The following TMEM178B variants were observed in gnomAD, a reference collection of about 807,000 sequenced individuals.
The protein encoded by TMEM178B is transmembrane protein 178B.
In TMEM178B, 5 loss-of-function variants were observed where a neutral mutation model predicts 31.0. That is an observed-to-expected ratio of 0.16 (90% CI 0.08 to 0.34). The LOEUF is 0.34. TMEM178B is among the 10% of genes least tolerant of loss of function. The pLI is 1.00. For synonymous variants in TMEM178B, 164 were observed against 164.0 expected, an observed-to-expected ratio of 1.00 and a Z score of 0.00; for missense variants, 275 against 400.3, an observed-to-expected ratio of 0.69 and a Z score of 2.67.
chr7:141,268,800 G>A (rs1357999460), intron 2 of TMEM178B, among the ~76,000 whole-genome samples: 1 of 152,210 alleles, frequency 6.6e-6, no homozygotes, highest in African/African-American at 2.4e-5. Context: ...GAAAGCAAGA[G>A]CAAAGGTCAT....
At chr7:141,268,825 A>T (rs1242935454) in intron 2 of TMEM178B, among the ~76,000 whole-genome samples, 1 of 152,246 alleles carries the variant, frequency 6.6e-6, no homozygotes, top group African/African-American at 2.4e-5. Context: ...CAGTTTTGAG[A>T]TACTCAAGGC....
At chr7:141,286,296 T>C (rs892581114) in intron 2 of TMEM178B, among the ~76,000 whole-genome samples, 3 of 152,298 alleles carry the variant, frequency 2.0e-5, no homozygotes, top group South Asian at 2.1e-4. Flanking sequence ...TATATAACTT[T>C]TTATTTTACA....
Position 141,155,647 on chromosome 7 carries a change from C to T in TMEM178B, c.383-56944C>T, listed in dbSNP as rs557667014. ...TGGGGTCAGGCTAGCATCTGAGGTGCCAGTAGCCCTGGCAACCTGCTGGCT... is the reference window on the plus strand; with the variant it reads ...TGGGGTCAGGCTAGCATCTGAGGTGTCAGTAGCCCTGGCAACCTGCTGGCT... On this transcript the variant is annotated intron_variant, in intron 1 of 3. Coordinates refer to ENST00000565468, the MANE Select transcript of TMEM178B (RefSeq NM_001195278.2). 9.5e-4 allele frequency among the ~76,000 whole-genome samples: 144 copies of T among 152,306 alleles called. 1 individual carries two copies. The highest frequency in any genetic ancestry group is 3.4e-3 in the African/African-American group (140 of 41,572).
intron 1 of TMEM178B, among the ~76,000 whole-genome samples, chr7:141,205,645 A>G (rs1012429233): frequency 6.6e-5 from 10 of 152,208 alleles, no homozygotes; most frequent in Non-Finnish European, 1.2e-4. Context: ...TGGAGATATA[A>G]AGTACTACAG....
intron 1 of TMEM178B, among the ~76,000 whole-genome samples, chr7:141,147,105 A>G (rs1795865195): frequency 6.6e-6 from 1 of 151,964 alleles, no homozygotes; most frequent in Non-Finnish European, 1.5e-5. Flanking sequence ...GGGTGCTGCT[A>G]CTCCCCTTGA....
chr7:141,409,393 T>C (rs967921169), intron 2 of TMEM178B, among the ~76,000 whole-genome samples: 1 of 152,228 alleles, frequency 6.6e-6, no homozygotes, highest in African/African-American at 2.4e-5. Context: ...ATGTTTGTTT[T>C]GATTCTACTT....
At chr7:141,163,713 C>T (rs1796215761) in intron 1 of TMEM178B, among the ~76,000 whole-genome samples, 1 of 151,974 alleles carries the variant, frequency 6.6e-6, no homozygotes, top group Non-Finnish European at 1.5e-5. Flanking sequence ...TGGGGTTTCA[C>T]CATGTGGCCA....
At position 141,344,574 on chromosome 7, in the gene TMEM178B, C is replaced by CCCTTCCTTCCTTCCTTCCTTCCTTCCTT. The variant is rs34831263; in HGVS notation, c.497-93006_497-92979dup. ...CTCCCTCCCTCCATTCCTCCCTCCTCCCTTCCTTCCTTCCTTCCTTCCTTC... is the reference window on the plus strand; with the variant it reads ...CTCCCTCCCTCCATTCCTCCCTCCTCCCTTCCTTCCTTCCTTCCTTCCTTCCTTCCTTCCTTCCTTCCTTCCTTCCTTC... On this transcript the variant is annotated intron_variant, in intron 2 of 3. Coordinates refer to ENST00000565468, the MANE Select transcript of TMEM178B (RefSeq NM_001195278.2). The surrounding 1 kb of genome is among the most constrained non-coding windows in gnomAD (Gnocchi z 4.1). Among the ~76,000 whole-genome samples the CCCTTCCTTCCTTCCTTCCTTCCTTCCTT allele has an allele frequency of 4.2e-4, 57 of 137,232 alleles. No homozygotes were observed. The highest frequency in any genetic ancestry group is 7.7e-4 in the Non-Finnish European group (49 of 64,030). 90.0% of individuals were successfully genotyped at this position (137,232 alleles called of 152,430 possible). A position where few individuals can be genotyped will look rare whatever the true frequency, so the allele number is the denominator to read the frequency against.
chr7:141,494,492 A>G, the TMEM178B span, among the ~76,000 whole-genome samples: 1 of 152,220 alleles, frequency 6.6e-6, no homozygotes, highest in African/African-American at 2.4e-5. Flanking sequence ...GACAAATCTG[A>G]GACTTGAACT....
At chr7:141,275,575 T>C (rs1476774336) in intron 2 of TMEM178B, among the ~76,000 whole-genome samples, 2 of 152,180 alleles carry the variant, frequency 1.3e-5, no homozygotes, top group Non-Finnish European at 2.9e-5. Context: ...GGGGTGCTCA[T>C]GGGTGAGTTT....
intron 2 of TMEM178B, among the ~76,000 whole-genome samples, chr7:141,302,466 G>A (rs1798745264): frequency 6.6e-6 from 1 of 152,188 alleles, no homozygotes; most frequent in Non-Finnish European, 1.5e-5. Flanking sequence ...AAAACAGAAA[G>A]TAGAATGGTA....
chr7:141,140,713 G>A (rs530955926), intron 1 of TMEM178B, among the ~76,000 whole-genome samples: 3 of 152,082 alleles, frequency 2.0e-5, no homozygotes, highest in Non-Finnish European at 4.4e-5. Flanking sequence ...TGACTTTGAC[G>A]GTTTTGAGGA....
intron 1 of TMEM178B, among the ~76,000 whole-genome samples, chr7:141,157,206 T>C (rs1469262224): frequency 6.6e-6 from 1 of 152,112 alleles, no homozygotes; most frequent in East Asian, 1.9e-4. Flanking sequence ...GGATGGATGC[T>C]CTGCCTCTCT....
At chr7:141,306,456 G>A (rs1798817253) in intron 2 of TMEM178B, among the ~76,000 whole-genome samples, 1 of 152,130 alleles carries the variant, frequency 6.6e-6, no homozygotes, top group South Asian at 2.1e-4. Flanking sequence ...TCTAGAAAAG[G>A]TGTCCGCTTT....
At chr7:141,080,109 C>G (rs1287207029) in intron 1 of TMEM178B, among the ~76,000 whole-genome samples, 1 of 152,146 alleles carries the variant, frequency 6.6e-6, no homozygotes, top group Non-Finnish European at 1.5e-5. Flanking sequence ...GCTCACACAC[C>G]CTGTTTTGAA....
chr7:141,183,683 G>A (rs1459999358), intron 1 of TMEM178B, among the ~76,000 whole-genome samples: 2 of 152,074 alleles, frequency 1.3e-5, no homozygotes, highest in African/African-American at 4.8e-5. Flanking sequence ...TGCTAAGGCC[G>A]AGACTGCATT....
rs1018222791 is a variant in TMEM178B, at chr7:141,290,747, C to T, written c.496+78043C>T. On this transcript the variant is annotated intron_variant, in intron 2 of 3. Coordinates refer to ENST00000565468, the MANE Select transcript of TMEM178B (RefSeq NM_001195278.2). ...CTATAACACCTGCCCCTTTCGGCCT[C>T]TCCTTTGTCACAGATGAAATGCCTG... 1.3e-4 allele frequency among the ~76,000 whole-genome samples: 20 copies of T among 152,208 alleles called. 1 individual carries two copies. The highest frequency in any genetic ancestry group is 4.8e-4 in the African/African-American group (20 of 41,456).
chr7:141,262,328 G>A (rs936035344), intron 2 of TMEM178B, among the ~76,000 whole-genome samples: 7 of 151,954 alleles, frequency 4.6e-5, no homozygotes. Context: ...CTGATTCCCT[G>A]AAACTGACAC....
At chr7:141,269,374 C>T (rs1798144841) in intron 2 of TMEM178B, among the ~76,000 whole-genome samples, 1 of 152,088 alleles carries the variant, frequency 6.6e-6, no homozygotes, top group Non-Finnish European at 1.5e-5. Context: ...GGACTATAGG[C>T]ACGAGCCACT....
Sources: gnomAD v4.1 joint callset for allele counts (sites outside exome capture counted in the v4.1 genomes callset) on GRCh38, gnomAD v4.1.1 for gene constraint, Gnocchi (gnomAD v3.1) non-coding constraint, MANE v1.5 for transcripts, NCBI Gene and HGNC (gene_info 2026-07-23, HGNC 2026-07-21) for gene names.